Variants in GAPVD1 observed in about 807,000 individuals in gnomAD.
GAPVD1 encodes GTPase-activating protein and VPS9 domain-containing protein 1.
In GAPVD1, 35 loss-of-function variants were observed where a neutral mutation model predicts 155.5. The ratio of observed to expected loss-of-function variants is 0.23; its 90% CI spans 0.17 to 0.30. The LOEUF is 0.30. GAPVD1 is among the 10% of genes least tolerant of loss of function. The pLI, the probability that GAPVD1 is intolerant of heterozygous loss-of-function variation, is 1.00. For synonymous variants in GAPVD1, 636 were observed against 619.7 expected (o/e 1.03, Z -0.39); for missense variants, 1,429 against 1,775.7 (o/e 0.80, Z 3.51).
intron 8 of GAPVD1, among the ~76,000 whole-genome samples, chr9:125,311,531 G>T (rs1842685247): frequency 6.6e-6 from 1 of 152,136 alleles, no homozygotes; most frequent in African/African-American, 2.4e-5. Flanking sequence ...TGAGGCAGGA[G>T]AATTGCTTGA....
chr9:125,349,574 C>T (rs1849020494), intron 21 of GAPVD1, 55 bp downstream of exon 21: 15 of 1,491,508 alleles, frequency 1.0e-5, no homozygotes, highest in South Asian at 6.9e-5. Flanking sequence ...AGCACCATTG[C>T]AGTCACGTCA....
At chr9:125,351,724 G>C (rs1190662144) in intron 23 of GAPVD1, among the ~76,000 whole-genome samples, 1 of 152,050 alleles carries the variant, frequency 6.6e-6, no homozygotes, top group African/African-American at 2.4e-5. Flanking sequence ...GCAAGAGGTG[G>C]GTTCCCATGG....
intron 9 of GAPVD1, among the ~76,000 whole-genome samples, chr9:125,320,577 TATTTA>T (rs1244485022): frequency 6.6e-6 from 1 of 152,222 alleles, no homozygotes; most frequent in African/African-American, 2.4e-5. Flanking sequence ...CTTTAAATTT[TATTTA>T]AATTTTGCAA....
At position 125,307,515 on chromosome 9, in the gene GAPVD1, G is replaced by C. The variant is rs766146390; in HGVS notation, c.1219G>C (p.Val407Leu). The change falls in exon 7 of 28, where the codon GTT (valine) becomes CTT (leucine). Residue 407 changes from valine (V) to leucine (L), a missense_variant. Physicochemically the swap from Val to Leu is conservative, Grantham distance 32. This residue lies in a region of GAPVD1 where 628 missense variants were observed against 733.4 expected (regional missense o/e 0.86). Coordinates refer to ENST00000297933, the MANE Select transcript of GAPVD1 (RefSeq NM_001282680.3). ...TCTGGAAGGATTGAGCAGAACTGTG[G>C]TTTATATAACCTACAGTCAGCTTAT... is the stretch of plus-strand genomic sequence containing the variant. ...NLLEGLSRTV[V>L]YITYSQLITL... is the part of the protein sequence containing the mutation. The C allele has an allele frequency of 6.2e-7, 1 of 1,612,550 alleles. No homozygotes were observed. The highest frequency in any genetic ancestry group is 1.1e-5 in the South Asian group (1 of 91,016).
intron 27 of GAPVD1, among the ~76,000 whole-genome samples, chr9:125,361,395 G>C (rs980906569): frequency 1.2e-4 from 18 of 151,998 alleles, no homozygotes; most frequent in East Asian, 1.2e-3. Context: ...AAAATTACAG[G>C]CTCCTGTAAT....
chr9:125,263,148 C>A (rs1412307396), intron 1 of GAPVD1, among the ~76,000 whole-genome samples: 1 of 152,242 alleles, frequency 6.6e-6, no homozygotes, highest in African/African-American at 2.4e-5. Context: ...GGACCATAGG[C>A]TTCACCAAAC....
intron 2 of GAPVD1, among the ~76,000 whole-genome samples, chr9:125,275,264 C>T (rs986181911): frequency 3.3e-5 from 5 of 151,822 alleles, no homozygotes; most frequent in East Asian, 2.0e-4. Context: ...TTAGTAGAGA[C>T]GGGGTTTCAC....
Position 125,335,400 on chromosome 9 carries a change from G to A in GAPVD1, c.2429-1618G>A, listed in dbSNP as rs145822163. ...TCTTTTTTTTTTTAAAAATGGGGCTGGGCGCGGTGGCTCACGCCCATAATC... is the reference window on the plus strand; with the variant it reads ...TCTTTTTTTTTTTAAAAATGGGGCTAGGCGCGGTGGCTCACGCCCATAATC... On this transcript the variant is annotated intron_variant, in intron 15 of 27. Coordinates refer to ENST00000297933, the MANE Select transcript of GAPVD1 (RefSeq NM_001282680.3). The A allele has an allele frequency of 7.8e-4, 335 of 430,038 alleles. 1 individual carries two copies. Among genetic ancestry groups the A allele is most frequent in the African/African-American group, 5.8e-3 (278 of 48,020 alleles). 26.6% of individuals were successfully genotyped at this position (430,038 alleles called of 1,614,324 possible). A position where few individuals can be genotyped will look rare whatever the true frequency, so the allele number is the denominator to read the frequency against.
chr9:125,352,151 G>A (rs1007754558), intron 23 of GAPVD1, among the ~76,000 whole-genome samples: 2 of 152,138 alleles, frequency 1.3e-5, no homozygotes, highest in Admixed American at 6.5e-5. Context: ...CTAGGTGCAC[G>A]GTGCAAACTG....
chr9:125,284,124 C>A (rs1837243222), intron 2 of GAPVD1, among the ~76,000 whole-genome samples: 1 of 151,310 alleles, frequency 6.6e-6, no homozygotes, highest in Non-Finnish European at 1.5e-5. Context: ...GATCCACCCG[C>A]CTTGGCCTCC....
chr9:125,312,770 T>G (rs1842839952), intron 9 of GAPVD1, among the ~76,000 whole-genome samples, 158 bp downstream of exon 9: 1 of 152,210 alleles, frequency 6.6e-6, no homozygotes, highest in Non-Finnish European at 1.5e-5. Flanking sequence ...ATTCAGTGTC[T>G]TGTAAGGATC....
At chr9:125,298,043 G>A (rs1002514060) in intron 3 of GAPVD1, among the ~76,000 whole-genome samples, 2 of 152,018 alleles carry the variant, frequency 1.3e-5, no homozygotes, top group African/African-American at 4.8e-5. Context: ...ACCGCGCCCG[G>A]CTGTGATCTG....
At chr9:125,268,560 C>T (rs556196767) in intron 1 of GAPVD1, among the ~76,000 whole-genome samples, 63 of 140,098 alleles carry the variant, frequency 4.5e-4, no homozygotes, top group African/African-American at 1.4e-3. Flanking sequence ...AGTGCAGTAA[C>T]GCTATCACAG....
intron 6 of GAPVD1, among the ~76,000 whole-genome samples, chr9:125,306,319 C>T (rs946680516): frequency 9.2e-5 from 14 of 152,184 alleles, no homozygotes; most frequent in African/African-American, 3.4e-4. Context: ...TGAGCCACCA[C>T]GCCTGGCCCC....
intron 12 of GAPVD1, among the ~76,000 whole-genome samples, chr9:125,327,937 C>A (rs1007717205): frequency 6.6e-6 from 1 of 152,140 alleles, no homozygotes; most frequent in African/African-American, 2.4e-5. Flanking sequence ...CTACCCTCTT[C>A]TCTCCCCTCA....
chr9:125,262,276 G>A lies in GAPVD1; in HGVS notation c.-199+317G>A, dbSNP rs571867441. ...GGCCTCGGGTGGGGGCCAGAGACGA[G>A]AGGCCCGGCAGGTAGGGAACTGAGT... On this transcript the variant is annotated intron_variant, in intron 1 of 27. Coordinates refer to ENST00000297933, the MANE Select transcript of GAPVD1 (RefSeq NM_001282680.3). 3.3e-5 allele frequency among the ~76,000 whole-genome samples: 5 copies of A among 152,308 alleles called. No individual in the cohort carries two copies. The East Asian group carries it at 9.7e-4, about 29-fold the overall frequency.
Position 125,355,639 on chromosome 9 carries a change from T to C in GAPVD1, c.3758-5T>C. ...CTATTTAAAAATTATTATTTTGCTT[T>C]GGAGACTTTCAGAAACTCACCGCAG... On this transcript the variant is annotated splice_polypyrimidine_tract_variant and splice_region_variant and intron_variant, in intron 24 of 27. Coordinates refer to ENST00000297933, the MANE Select transcript of GAPVD1 (RefSeq NM_001282680.3). 1 of 1,563,716 alleles carries C rather than the reference T, an allele frequency of 6.4e-7. No homozygotes were observed. Among genetic ancestry groups the C allele is most frequent in the Admixed American group, 1.7e-5 (1 of 58,430 alleles).
intron 24 of GAPVD1, among the ~76,000 whole-genome samples, chr9:125,355,257 C>A (rs745879567): frequency 6.6e-6 from 1 of 151,902 alleles, no homozygotes. Context: ...AGGCACGTGC[C>A]ACCACGCCCA....
At position 125,293,830 on chromosome 9, in the gene GAPVD1, AAT is replaced by A. The variant is rs1204319862; in HGVS notation, c.-149-1618_-149-1617del. Among the ~76,000 whole-genome samples, 133 of 115,998 alleles carry A rather than the reference AAT, an allele frequency of 1.1e-3. 1 individual carries two copies. In the East Asian group the frequency reaches 0.012, roughly 10 times the overall value. The allele number at this position is 115,998 out of a possible 152,430, so 76.1% of individuals were successfully genotyped here. Reference sequence around the variant, plus strand: ...TATATTTATATATGAAATATAAAAAAATATATATATAAAAATATATTTTATAT... The same window carrying A: ...TATATTTATATATGAAATATAAAAAAATATATATAAAAATATATTTTATAT... On this transcript the variant is annotated intron_variant, in intron 2 of 27. Transcript: ENST00000297933.
Sources: gnomAD v4.1 joint callset for allele counts (sites outside exome capture counted in the v4.1 genomes callset) on GRCh38, gnomAD v4.1.1 for gene constraint, gnomAD v4.1.1 regional missense constraint, MANE v1.5 for transcripts, NCBI Gene and HGNC (gene_info 2026-07-23, HGNC 2026-07-21) for gene names.